The following ADAMTS6 variants were observed in gnomAD, a reference collection of about 807,000 sequenced individuals.
ADAMTS6 encodes A disintegrin and metalloproteinase with thrombospondin motifs 6.
In ADAMTS6, 23 loss-of-function variants were observed where a neutral mutation model predicts 144.3. That is an observed-to-expected ratio of 0.16 (90% confidence interval 0.11 to 0.23). The LOEUF (loss-of-function observed/expected upper bound fraction) is 0.23. ADAMTS6 is among the 10% of genes least tolerant of loss of function. The pLI, the probability that ADAMTS6 is intolerant of heterozygous loss-of-function variation, is 1.00. For missense variants in ADAMTS6, 999 were observed against 1,379.6 expected (o/e 0.72, Z 4.37); for synonymous variants, 444 against 457.5 (o/e 0.97, Z 0.38).
chr5:65,457,157 T>C (rs1375715372), intron 4 of ADAMTS6, among the ~76,000 whole-genome samples: 1 of 152,234 alleles, frequency 6.6e-6, no homozygotes, highest in African/African-American at 2.4e-5. Context: ...TACTATTATA[T>C]TCCCAGTAAT....
intron 7 of ADAMTS6, among the ~76,000 whole-genome samples, chr5:65,368,004 A>C (rs1750466747): frequency 6.6e-6 from 1 of 152,164 alleles, no homozygotes; most frequent in Non-Finnish European, 1.5e-5. Flanking sequence ...TTTATTTCAC[A>C]AAGTAATCAA....
intron 9 of ADAMTS6, among the ~76,000 whole-genome samples, chr5:65,323,872 T>C (rs1462029617): frequency 6.6e-6 from 1 of 152,234 alleles, no homozygotes. Context: ...TGGCCAGTGA[T>C]GATGAGCATT....
At chr5:65,403,970 A>G (rs1343574706) in intron 7 of ADAMTS6, among the ~76,000 whole-genome samples, 1 of 152,120 alleles carries the variant, frequency 6.6e-6, no homozygotes, top group Non-Finnish European at 1.5e-5. Context: ...CAAATGAATA[A>G]CTTCATGAAT....
At chr5:65,227,757 T>C (rs1757835719) in intron 15 of ADAMTS6, among the ~76,000 whole-genome samples, 1 of 152,252 alleles carries the variant, frequency 6.6e-6, no homozygotes, top group South Asian at 2.1e-4. Context: ...ATTGTCAGTC[T>C]GTTTTTTCAA....
At chr5:65,200,849 G>C (rs1043473233) in intron 20 of ADAMTS6, among the ~76,000 whole-genome samples, 1 of 151,992 alleles carries the variant, frequency 6.6e-6, no homozygotes, top group East Asian at 1.9e-4. Context: ...GGTATATTCT[G>C]TTTAGAGACT....
intron 3 of ADAMTS6, among the ~76,000 whole-genome samples, chr5:65,463,045 A>G (rs2150269523): frequency 6.6e-6 from 1 of 151,164 alleles, no homozygotes; most frequent in East Asian, 2.0e-4. Flanking sequence ...GTGCCACTGC[A>G]CTCAGCCTGG....
intron 7 of ADAMTS6, among the ~76,000 whole-genome samples, chr5:65,397,258 T>C (rs981900870): frequency 1.3e-5 from 2 of 152,150 alleles, no homozygotes; most frequent in Admixed American, 6.5e-5. Context: ...AATTTTATCT[T>C]ACCAAATTTT....
intron 22 of ADAMTS6, among the ~76,000 whole-genome samples, chr5:65,177,154 T>C (rs1272121104): frequency 1.3e-5 from 2 of 152,080 alleles, no homozygotes; most frequent in East Asian, 3.9e-4. Context: ...GAGACTGCCG[T>C]TCGTAGAGCG....
At chr5:65,233,837 G>C (rs1000674938) in intron 15 of ADAMTS6, among the ~76,000 whole-genome samples, 4 of 151,872 alleles carry the variant, frequency 2.6e-5, no homozygotes, top group Non-Finnish European at 4.4e-5. Flanking sequence ...TCTTGAGCAA[G>C]AACAACAAAA....
At chr5:65,470,112 G>A (rs894112437) in intron 3 of ADAMTS6, among the ~76,000 whole-genome samples, 1 of 151,972 alleles carries the variant, frequency 6.6e-6, no homozygotes, top group African/African-American at 2.4e-5. Context: ...TTTTAGAAAT[G>A]GGTGCCTCGC....
chr5:65,366,767 T>C (rs1678381838), intron 7 of ADAMTS6, among the ~76,000 whole-genome samples: 2 of 152,190 alleles, frequency 1.3e-5, no homozygotes, highest in Admixed American at 1.3e-4. Context: ...TTGCAGTAAA[T>C]ACACACTCCA....
At chr5:65,413,282 A>T (rs1309233035) in intron 7 of ADAMTS6, among the ~76,000 whole-genome samples, 1 of 152,150 alleles carries the variant, frequency 6.6e-6, no homozygotes, top group Non-Finnish European at 1.5e-5. Flanking sequence ...AAGTGAATAA[A>T]TGAAAACTTG....
At position 65,381,805 on chromosome 5, in the gene ADAMTS6, T is replaced by C. The variant is rs577965810; in HGVS notation, c.1074-47720A>G. Among the ~76,000 whole-genome samples the C allele has an allele frequency of 7.2e-5, 11 of 152,222 alleles. No individual in the cohort carries two copies. In the South Asian group the frequency reaches 1.0e-3, roughly 14 times the overall value. On this transcript the variant is annotated intron_variant, in intron 7 of 24. Coordinates refer to ENST00000381055, the MANE Select transcript of ADAMTS6 (RefSeq NM_197941.4). ...AAAAAATGAAACTAAAGAAAAGTTA[T>C]AGAAAACTTAATTTGGGTAACACAT...
Position 65,202,267 on chromosome 5 carries a change from C to G in ADAMTS6, c.2576-5116G>C, listed in dbSNP as rs150834405. Among the ~76,000 whole-genome samples the G allele has an allele frequency of 5.8e-3, 883 of 152,226 alleles. 13 individuals carry two copies. The highest frequency in any genetic ancestry group is 0.021 in the African/African-American group (856 of 41,528). On this transcript the variant is annotated intron_variant, in intron 20 of 24. Transcript: ENST00000381055. ...ATGTCCTAAGTAAACAAAGGATGAT[C>G]AAAAGCAAAATGTAGCTCTAAAAAT...
At chr5:65,352,849 A>G (rs1381703406) in intron 7 of ADAMTS6, among the ~76,000 whole-genome samples, 4 of 152,000 alleles carry the variant, frequency 2.6e-5, no homozygotes, top group African/African-American at 9.7e-5. Flanking sequence ...TGATATATAT[A>G]TTTACCAATA....
intron 14 of ADAMTS6, among the ~76,000 whole-genome samples, chr5:65,243,035 C>A (rs922115566): frequency 1.3e-5 from 2 of 152,012 alleles, no homozygotes; most frequent in African/African-American, 4.8e-5. Flanking sequence ...TTTAAGTTCA[C>A]AAAGAATTAT....
chr5:65,310,228 C>A (rs1246606693), intron 9 of ADAMTS6, among the ~76,000 whole-genome samples: 1 of 152,042 alleles, frequency 6.6e-6, no homozygotes, highest in African/African-American at 2.4e-5. Flanking sequence ...ATGCCAGCAT[C>A]ATGCTTTCTG....
chr5:65,434,186 T>C (rs1037118852), intron 7 of ADAMTS6, among the ~76,000 whole-genome samples: 1 of 152,210 alleles, frequency 6.6e-6, no homozygotes, highest in Non-Finnish European at 1.5e-5. Context: ...ATATGAAATG[T>C]CCAGAATTTC....
chr5:65,283,245 T>C (rs966438127), intron 11 of ADAMTS6, among the ~76,000 whole-genome samples: 3 of 152,116 alleles, frequency 2.0e-5, no homozygotes, highest in Non-Finnish European at 4.4e-5. Context: ...TTCAGGTGTT[T>C]AGTAGCCATC....
Sources: gnomAD v4.1 joint callset for allele counts (sites outside exome capture counted in the v4.1 genomes callset) on GRCh38, gnomAD v4.1.1 for gene constraint, MANE v1.5 for transcripts, NCBI Gene and HGNC (gene_info 2026-07-23, HGNC 2026-07-21) for gene names.